ARHGAP26: variants seen among roughly 807,000 people sequenced by gnomAD.
The protein encoded by ARHGAP26 is rho GTPase-activating protein 26.
ARHGAP26 carries 38 observed loss-of-function variants against 104.8 expected under a neutral mutation model. The observed-to-expected ratio is 0.36, with a 90% CI of 0.28 to 0.48. The LOEUF (loss-of-function observed/expected upper bound fraction) is 0.48. Ranked by LOEUF, ARHGAP26 falls within the 20% of genes least tolerant of loss-of-function variation. The probability of loss-of-function intolerance (pLI) is 0.99; values close to 1 mark genes in which losing one functional copy is unlikely to be tolerated. For missense variants in ARHGAP26, 704 were observed against 947.9 expected (o/e 0.74, Z 3.38); for synonymous variants, 341 against 340.0 (o/e 1.00, Z -0.03).
At chr5:142,890,195 T>TATATATATATAC (rs1554140804) in intron 5 of ARHGAP26, among the ~76,000 whole-genome samples, 1 of 121,362 alleles carries the variant, frequency 8.2e-6, no homozygotes, top group Non-Finnish European at 1.7e-5. Context: ...TATATATATA[T>TATATATATATAC]ATGAAAGTGC....
intron 20 of ARHGAP26, among the ~76,000 whole-genome samples, chr5:143,155,272 C>G (rs887086492): frequency 1.3e-5 from 2 of 152,188 alleles, no homozygotes; most frequent in African/African-American, 4.8e-5. Flanking sequence ...TCTGTCACCT[C>G]AGGCTCCTGG....
At chr5:142,976,047 G>A (rs1333623422) in intron 11 of ARHGAP26, among the ~76,000 whole-genome samples, 15 of 152,104 alleles carry the variant, frequency 9.9e-5, no homozygotes, top group Admixed American at 9.2e-4. Flanking sequence ...CCATATGCCC[G>A]GCTTAAGGGC....
At chr5:143,211,752 A>T (rs984537044) in intron 21 of ARHGAP26, among the ~76,000 whole-genome samples, 1 of 151,452 alleles carries the variant, frequency 6.6e-6, no homozygotes, top group African/African-American at 2.4e-5. Context: ...ATTTTTTTGT[A>T]GAGATGGAGG....
intron 14 of ARHGAP26, among the ~76,000 whole-genome samples, chr5:143,045,653 T>A (rs1161020722): frequency 6.6e-6 from 1 of 152,250 alleles, no homozygotes. Flanking sequence ...GTGTAAGATT[T>A]GGTTTATCTG....
intron 1 of ARHGAP26, among the ~76,000 whole-genome samples, chr5:142,784,108 G>GC (rs1758061606): frequency 6.6e-6 from 1 of 152,224 alleles, no homozygotes; most frequent in Non-Finnish European, 1.5e-5. Context: ...GCTGCCCAGA[G>GC]CTCAGTGTGC....
chr5:142,920,887 A>C (rs902390377), intron 10 of ARHGAP26, among the ~76,000 whole-genome samples: 1 of 152,170 alleles, frequency 6.6e-6, no homozygotes, highest in Admixed American at 6.5e-5. Flanking sequence ...AGAGGACTTT[A>C]CCCTTCCATT....
chr5:142,862,240 C>A (rs964416208), intron 1 of ARHGAP26, among the ~76,000 whole-genome samples: 10 of 152,144 alleles, frequency 6.6e-5, no homozygotes, highest in Admixed American at 1.3e-4. Context: ...ATTGCATGGA[C>A]CCTGGAAGAG....
rs144373356 is a variant in ARHGAP26, at chr5:142,856,910, G to A, written c.155-16490G>A. ...GGGACAACTGTACCATGAACTGGGT[G>A]GCATAAAACAACAGAAATGTGTTTT... On this transcript the variant is annotated intron_variant, in intron 1 of 22. Transcript: ENST00000645722. Among the ~76,000 whole-genome samples the A allele has an allele frequency of 2.4e-3, 372 of 152,264 alleles. 3 individuals carry two copies. Among genetic ancestry groups the A allele is most frequent in the Non-Finnish European group, 4.0e-3 (272 of 68,012 alleles).
intron 1 of ARHGAP26, among the ~76,000 whole-genome samples, chr5:142,806,890 A>G (rs1019366376): frequency 8.5e-5 from 13 of 152,200 alleles, no homozygotes; most frequent in Admixed American, 2.6e-4. Context: ...GTTGTTTTCT[A>G]TGGATATTCT....
At chr5:143,149,259 AGT>A (rs1799527343) in intron 20 of ARHGAP26, among the ~76,000 whole-genome samples, 1 of 152,132 alleles carries the variant, frequency 6.6e-6, no homozygotes, top group African/African-American at 2.4e-5. Context: ...TAGAAAAAGA[AGT>A]GTGGGTGTGC....
chr5:142,955,224 C>T (rs1404092905), intron 11 of ARHGAP26, among the ~76,000 whole-genome samples: 4 of 151,928 alleles, frequency 2.6e-5, no homozygotes, highest in Non-Finnish European at 5.9e-5. Context: ...TGCTTGAGTT[C>T]GAGAGGTTGA....
intron 14 of ARHGAP26, among the ~76,000 whole-genome samples, chr5:143,045,458 T>C (rs570516685): frequency 1.3e-5 from 2 of 152,326 alleles, no homozygotes; most frequent in Non-Finnish European, 2.9e-5. Context: ...CATCTTCTCT[T>C]TTGTGAACAT....
chr5:142,913,826 G>GGA (rs886888016), intron 10 of ARHGAP26, among the ~76,000 whole-genome samples: 3 of 152,150 alleles, frequency 2.0e-5, no homozygotes, highest in African/African-American at 7.2e-5. Flanking sequence ...ACAATTTTTT[G>GGA]GAGAGAGAGC....
intron 17 of ARHGAP26, among the ~76,000 whole-genome samples, chr5:143,111,663 C>T (rs569023518): frequency 2.6e-5 from 4 of 152,206 alleles, no homozygotes; most frequent in Admixed American, 6.5e-5. Context: ...GAGACACTGT[C>T]TTAGAGAGCT....
In ARHGAP26 at chr5:143,223,445, G is replaced by A. The variant is rs538172328; in HGVS notation, c.*999G>A. On this transcript the variant is annotated 3_prime_UTR_variant, in exon 23 of 23. Transcript: ENST00000645722. ...AGTCTTAATATTTCTGTTCCTCCATGCAACTGATGTTTGTTTTTTAAAGGG... is the reference window on the plus strand; with the variant it reads ...AGTCTTAATATTTCTGTTCCTCCATACAACTGATGTTTGTTTTTTAAAGGG... 11 of 231,504 alleles carry A rather than the reference G, an allele frequency of 4.8e-5. No homozygotes were observed. Among genetic ancestry groups the A allele is most frequent in the Non-Finnish European group, 8.6e-5 (10 of 116,724 alleles). 14.3% of individuals were successfully genotyped at this position (231,504 alleles called of 1,614,324 possible). A position where few individuals can be genotyped will look rare whatever the true frequency, so the allele number is the denominator to read the frequency against.
chr5:142,816,153 C>G (rs76789770), intron 1 of ARHGAP26, among the ~76,000 whole-genome samples: 4,915 of 152,182 alleles, frequency 0.032, 196 homozygotes, highest in African/African-American at 0.095. Flanking sequence ...AGAGATATTG[C>G]TAACTGTACA....
At chr5:142,928,372 G>A (rs557561026) in intron 10 of ARHGAP26, among the ~76,000 whole-genome samples, 5 of 152,024 alleles carry the variant, frequency 3.3e-5, no homozygotes, top group Non-Finnish European at 7.4e-5. Context: ...GGATTAGCTC[G>A]TTGCCTAGAG....
chr5:142,832,522 A>G (rs944160847), intron 1 of ARHGAP26, among the ~76,000 whole-genome samples: 1 of 152,266 alleles, frequency 6.6e-6, no homozygotes, highest in Non-Finnish European at 1.5e-5. Context: ...CTGTGAGAAA[A>G]TAAAGTTCTT....
intron 1 of ARHGAP26, among the ~76,000 whole-genome samples, chr5:142,783,401 G>A (rs991307819): frequency 6.6e-6 from 1 of 152,210 alleles, no homozygotes; most frequent in Admixed American, 6.5e-5. Context: ...CAGGGAAACT[G>A]TATTCCCACA....
Sources: gnomAD v4.1 joint callset for allele counts (sites outside exome capture counted in the v4.1 genomes callset) on GRCh38, gnomAD v4.1.1 for gene constraint, MANE v1.5 for transcripts, NCBI Gene and HGNC (gene_info 2026-07-23, HGNC 2026-07-21) for gene names.